INSC: variants seen among roughly 807,000 people sequenced by gnomAD.
INSC encodes the protein protein inscuteable homolog.
In INSC, 67 loss-of-function variants were observed where a neutral mutation model predicts 58.6. The ratio of observed to expected loss-of-function variants is 1.14; its 90% CI spans 0.94 to 1.40. The LOEUF (loss-of-function observed/expected upper bound fraction) is 1.40. INSC is among the 40% of genes most tolerant of loss of function. INSC has a pLI of 0.00. For missense variants in INSC, 714 were observed against 692.0 expected, an observed-to-expected ratio of 1.03 and a Z score of -0.36; for synonymous variants, 262 against 276.1, an observed-to-expected ratio of 0.95 and a Z score of 0.51.
At chr11:15,258,897 A>G in the INSC span, among the ~76,000 whole-genome samples, 4 of 152,220 alleles carry the variant, frequency 2.6e-5, no homozygotes, top group Non-Finnish European at 5.9e-5. Context: ...TAGTCTCAGC[A>G]ACACAAATGC....
chr11:15,249,148 G>A (rs72860420), downstream of INSC, among the ~76,000 whole-genome samples: 12,089 of 152,220 alleles, frequency 0.079, 523 homozygotes, highest in African/African-American at 0.1. Flanking sequence ...ACTCTGGTAA[G>A]AGCCAGTTAT....
intron 5 of INSC, among the ~76,000 whole-genome samples, chr11:15,188,656 G>A (rs1425242473): frequency 1.3e-5 from 2 of 152,192 alleles, no homozygotes; most frequent in Non-Finnish European, 1.5e-5. Flanking sequence ...TATCTGAGGT[G>A]TAATTACTGT....
intron 8 of INSC, among the ~76,000 whole-genome samples, chr11:15,224,592 G>T (rs1262144962): frequency 6.6e-6 from 1 of 152,176 alleles, no homozygotes; most frequent in Admixed American, 6.5e-5. Flanking sequence ...CAGTAGGAGA[G>T]GGCCTGGACC....
chr11:15,168,191 G>T (rs1849269485), intron 2 of INSC, among the ~76,000 whole-genome samples: 1 of 152,130 alleles, frequency 6.6e-6, no homozygotes, highest in Non-Finnish European at 1.5e-5. Flanking sequence ...GTGCCATGGT[G>T]GTTTGCTGCA....
intron 5 of INSC, among the ~76,000 whole-genome samples, chr11:15,180,696 G>GT (rs1440380310): frequency 1.3e-4 from 15 of 115,786 alleles, no homozygotes; most frequent in Admixed American, 9.8e-4. Context: ...GGGGGGGGCG[G>GT]GGGGGGGTGG....
chr11:15,155,154 C>A (rs1848771866), intron 2 of INSC, among the ~76,000 whole-genome samples: 1 of 152,196 alleles, frequency 6.6e-6, no homozygotes, highest in Admixed American at 6.5e-5. Flanking sequence ...TCATTTTCAA[C>A]TTTACCTCCA....
chr11:15,206,899 G>T (rs1173291682), intron 7 of INSC, among the ~76,000 whole-genome samples: 1 of 152,160 alleles, frequency 6.6e-6, no homozygotes, highest in Non-Finnish European at 1.5e-5. Flanking sequence ...ATGCCCATTT[G>T]TCTCTACTTT....
chr11:15,244,653 T>A (rs1240055209), intron 12 of INSC, among the ~76,000 whole-genome samples: 1 of 152,174 alleles, frequency 6.6e-6, no homozygotes, highest in Non-Finnish European at 1.5e-5. Flanking sequence ...GAGCCCTAGT[T>A]TCCTTATTTC....
At chr11:15,233,832 G>A (rs1852019641) in intron 9 of INSC, among the ~76,000 whole-genome samples, 1 of 152,028 alleles carries the variant, frequency 6.6e-6, no homozygotes. Flanking sequence ...CCCCTGTGTG[G>A]TGGAAACAGA....
At chr11:15,241,311 G>A (rs1380935519) in intron 12 of INSC, among the ~76,000 whole-genome samples, 2 of 152,174 alleles carry the variant, frequency 1.3e-5, no homozygotes, top group African/African-American at 4.8e-5. Flanking sequence ...AGGGGGAAGT[G>A]ATGGATTTAA....
At chr11:15,238,176 G>A (rs1210030375) in intron 10 of INSC, among the ~76,000 whole-genome samples, 1 of 152,096 alleles carries the variant, frequency 6.6e-6, no homozygotes, top group Non-Finnish European at 1.5e-5. Context: ...GGAGGTATGA[G>A]CGGACATGGG....
the INSC span, among the ~76,000 whole-genome samples, chr11:15,259,100 T>A: frequency 6.6e-6 from 1 of 152,270 alleles, no homozygotes; most frequent in East Asian, 1.9e-4. Context: ...CAGAATCAAA[T>A]TCCAATACAA....
upstream of INSC, among the ~76,000 whole-genome samples, chr11:15,114,648 CTAAT>C (rs1377648512): frequency 1.3e-5 from 2 of 152,174 alleles, no homozygotes; most frequent in African/African-American, 4.8e-5. Context: ...AGCCCGGTCT[CTAAT>C]TAGGCCTGAC....
downstream of INSC, among the ~76,000 whole-genome samples, chr11:15,249,880 GC>G (rs1205376214): frequency 2.0e-5 from 3 of 152,232 alleles, no homozygotes; most frequent in Non-Finnish European, 2.9e-5. Flanking sequence ...CATGATTGAG[GC>G]CATGGGCATA....
intron 1 of INSC, among the ~76,000 whole-genome samples, chr11:15,117,686 T>A (rs554062331): frequency 6.6e-6 from 1 of 152,284 alleles, no homozygotes; most frequent in East Asian, 1.9e-4. Context: ...AATTAAGCAT[T>A]CTATTGGTCT....
intron 10 of INSC, among the ~76,000 whole-genome samples, chr11:15,238,620 T>C (rs1852221186): frequency 6.6e-6 from 1 of 152,226 alleles, no homozygotes. Context: ...TTTTAGGGCA[T>C]TATGCATTTA....
intron 2 of INSC, 67 bp downstream of exon 2, chr11:15,149,297 C>T: frequency 7.2e-7 from 1 of 1,387,510 alleles, no homozygotes; most frequent in Non-Finnish European, 9.4e-7. Context: ...GGCCCAGTTC[C>T]AGCATCCTGA....
At chr11:15,192,145 C>T (rs1273840654) in intron 6 of INSC, among the ~76,000 whole-genome samples, 1 of 152,220 alleles carries the variant, frequency 6.6e-6, no homozygotes, top group Non-Finnish European at 1.5e-5. Context: ...ATCAGTTTCT[C>T]CCTCTCCCAG....
chr11:15,136,657 A>T (rs1439007450), intron 1 of INSC, among the ~76,000 whole-genome samples: 3 of 152,120 alleles, frequency 2.0e-5, no homozygotes, highest in African/African-American at 7.2e-5. Flanking sequence ...CTCCTCATCC[A>T]TTTAGTTTTG....
Sources: gnomAD v4.1 joint callset for allele counts (sites outside exome capture counted in the v4.1 genomes callset) on GRCh38, gnomAD v4.1.1 for gene constraint, MANE v1.5 for transcripts, NCBI Gene and HGNC (gene_info 2026-07-23, HGNC 2026-07-21) for gene names.